LRRC27: variants seen among roughly 807,000 people sequenced by gnomAD.
The protein encoded by LRRC27 is leucine-rich repeat-containing protein 27.
A neutral mutation model predicts 55.0 loss-of-function variants in LRRC27; 57 were observed. The ratio of observed to expected loss-of-function variants is 1.04; its 90% confidence interval spans 0.84 to 1.29. LRRC27 has a LOEUF of 1.29. Among genes scored for constraint, LRRC27 ranks in the 50% most tolerant of loss-of-function variants. The pLI is 0.00. For synonymous variants in LRRC27, 278 were observed against 251.9 expected, an observed-to-expected ratio of 1.10 and a Z score of -0.98; for missense variants, 721 against 651.5, an observed-to-expected ratio of 1.11 and a Z score of -1.16.
rs2069341864 is a variant in LRRC27, at chr10:132,376,659, G to C, written c.*1417G>C. 1 of 152,342 alleles carries C rather than the reference G, an allele frequency of 6.6e-6. No homozygotes were observed. Among genetic ancestry groups the C allele is most frequent in the South Asian group, 2.1e-4 (1 of 4,836 alleles). 9.4% of individuals were successfully genotyped at this position (152,342 alleles called of 1,614,324 possible). A position where few individuals can be genotyped will look rare whatever the true frequency, so the allele number is the denominator to read the frequency against. On this transcript the variant is annotated 3_prime_UTR_variant, in exon 11 of 11. Coordinates refer to ENST00000368614, the MANE Select transcript of LRRC27 (RefSeq NM_030626.3). ...AGAGAGCGTGTCCGTTGTGATCCCA[G>C]TCCTTTGAAACTGTGAAGCCTCGCC...
chr10:132,343,598 T>G (rs907185186), intron 4 of LRRC27, among the ~76,000 whole-genome samples: 3 of 152,258 alleles, frequency 2.0e-5, no homozygotes, highest in African/African-American at 7.2e-5. Flanking sequence ...GCTTCTAGTT[T>G]AGTCTCTGTT....
chr10:132,344,714 G>T, intron 5 of LRRC27, 64 bp downstream of exon 5: 1 of 1,562,112 alleles, frequency 6.4e-7, no homozygotes, highest in Admixed American at 1.7e-5. Context: ...TTAAAATCAG[G>T]GCAGAACCTG....
chr10:132,332,675 C>T (rs1260496668), intron 1 of LRRC27: 2 of 151,996 alleles, frequency 1.3e-5, no homozygotes, highest in African/African-American at 4.8e-5. Context: ...CGCGGGCTTC[C>T]ATGGAATGCA....
At chr10:132,342,077 A>T in intron 3 of LRRC27, 136 bp from the exon 4 acceptor site, 2 of 605,340 alleles carry the variant, frequency 3.3e-6, no homozygotes, top group Non-Finnish European at 5.7e-6. Context: ...TTGTGTGTAC[A>T]TGTTGTAAAT....
rs756784554 is a variant in LRRC27, at chr10:132,344,645, C to G, written c.548C>G (p.Ser183Cys). 2 of 1,613,798 alleles carry G rather than the reference C, an allele frequency of 1.2e-6. No individual in the cohort carries two copies. ...CACTCTCTCCCCAGAAATCCAACTT[C>G]TCAAGGTTTGTAGGAGGTGATTTAT... ...VEHSLPRNPT[S>C]QEAPPVREMT... The change falls in exon 5 of 11, where the codon TCT becomes TGT. Residue 183 changes from serine to cysteine, a missense_variant. Physicochemically the swap from Ser to Cys is moderately radical, Grantham distance 112. Coordinates refer to ENST00000368614, the MANE Select transcript of LRRC27 (RefSeq NM_030626.3).
intron 3 of LRRC27, 69 bp downstream of exon 3, chr10:132,337,764 C>T: frequency 6.5e-7 from 1 of 1,548,244 alleles, no homozygotes; most frequent in Non-Finnish European, 8.8e-7. Flanking sequence ...TCTTTCGCTC[C>T]TTGTCCTTTA....
chr10:132,355,865 C>T lies in LRRC27; in HGVS notation c.1149C>T (p.Leu383=). The change falls in exon 8 of 11, where the codon CTC becomes CTT. Residue 383 remains leucine (L), a synonymous_variant. Transcript: ENST00000368614. ...AGAGGAAGGAAGAGCTCAGCAAACT[C>T]CTGCCTCCGCGGAGGAGCATGGTAC... ...MRKRKEELSK[L]LPPRRSMVAS... is the part of the protein sequence containing the mutation. 1 of 1,556,248 alleles carries T rather than the reference C, an allele frequency of 6.4e-7. No individual in the cohort carries two copies. Among genetic ancestry groups the T allele is most frequent in the Non-Finnish European group, 8.7e-7 (1 of 1,149,742 alleles).
At chr10:132,341,229 G>T (rs1173292309) in intron 3 of LRRC27, among the ~76,000 whole-genome samples, 1 of 152,158 alleles carries the variant, frequency 6.6e-6, no homozygotes, top group Non-Finnish European at 1.5e-5. Context: ...GCTTAGCCAG[G>T]CATGGTGGTA....
intron 9 of LRRC27, among the ~76,000 whole-genome samples, chr10:132,364,409 A>ACACTTACATC: frequency 6.0e-5 from 1 of 16,806 alleles, no homozygotes; most frequent in African/African-American, 1.2e-4. Context: ...ATCTACCTCC[A>ACACTTACATC]CACCCGCGCT....
At chr10:132,330,332 G>A, upstream of LRRC27, 1 of 664,842 alleles carries the variant, frequency 1.5e-6, no homozygotes, top group Middle Eastern at 2.4e-4. Context: ...ATACTGGAAT[G>A]CTGAAACTTG....
At chr10:132,337,096 T>A in intron 2 of LRRC27, 1 of 1,247,288 alleles carries the variant, frequency 8.0e-7, no homozygotes, top group Non-Finnish European at 1.0e-6. Flanking sequence ...TCTCTGTCCC[T>A]GTCTTTTAGT....
intron 10 of LRRC27, among the ~76,000 whole-genome samples, chr10:132,371,574 G>T (rs2069217416): frequency 6.6e-6 from 1 of 152,160 alleles, no homozygotes; most frequent in African/African-American, 2.4e-5. Flanking sequence ...TTGTCAGGAG[G>T]CTCCCCCTCC....
At chr10:132,352,748 GC>G (rs1328537746) in intron 7 of LRRC27, 2 of 928,950 alleles carry the variant, frequency 2.2e-6, no homozygotes, top group Non-Finnish European at 3.3e-6. Context: ...CTTGTTTGCA[GC>G]CCCGAGGCCT....
intron 8 of LRRC27, among the ~76,000 whole-genome samples, chr10:132,358,583 G>A (rs761283589): frequency 1.5e-5 from 1 of 66,482 alleles, no homozygotes; most frequent in Non-Finnish European, 2.8e-5. Flanking sequence ...AGGAGCCGAG[G>A]TGGTGGAGCA....
In LRRC27 at chr10:132,337,844, G is replaced by A. The variant is rs186494344; in HGVS notation, c.341+149G>A. The A allele has an allele frequency of 1.7e-4, 147 of 875,834 alleles. No homozygotes were observed. The East Asian group carries it at 3.1e-3, about 18-fold the overall frequency. 54.3% of individuals were successfully genotyped at this position (875,834 alleles called of 1,614,324 possible). ...TTTTTAAAGCCAGCTAAGAGGTTGC[G>A]ACGGCTGAATGTACCCAACACAGAA... On this transcript the variant is annotated intron_variant, in intron 3 of 10. Coordinates refer to ENST00000368614, the MANE Select transcript of LRRC27 (RefSeq NM_030626.3).
rs1188306282 is a variant in LRRC27, at chr10:132,380,545, G to C, written c.*5303G>C. Among the ~76,000 whole-genome samples the C allele has an allele frequency of 6.6e-6, 1 of 152,132 alleles. No homozygotes were observed. Among genetic ancestry groups the C allele is most frequent in the Non-Finnish European group, 1.5e-5 (1 of 68,022 alleles). On this transcript the variant is annotated 3_prime_UTR_variant, in exon 11 of 11. Coordinates refer to ENST00000368614, the MANE Select transcript of LRRC27 (RefSeq NM_030626.3). ...ATGGTGGCACACGCCTGCAGTCCCA[G>C]CTACTCAGGAGGCTGAGGCAGGAGG...
At position 132,355,756 on chromosome 10, in the gene LRRC27, T is replaced by C. The variant is rs571618467; in HGVS notation, c.1074-34T>C. 2.0e-6 allele frequency: 3 copies of C among 1,479,148 alleles called. No individual in the cohort carries two copies. The South Asian group carries it at 3.6e-5, about 18-fold the overall frequency. 91.6% of individuals were successfully genotyped at this position (1,479,148 alleles called of 1,614,324 possible). A position where few individuals can be genotyped will look rare whatever the true frequency, so the allele number is the denominator to read the frequency against. ...CCTGTAGCCTTGGCTCGAAGCTGCCTGTAACTTATGACATTAACCTTCCCT... is the reference window on the plus strand; with the variant it reads ...CCTGTAGCCTTGGCTCGAAGCTGCCCGTAACTTATGACATTAACCTTCCCT... On this transcript the variant is annotated intron_variant, in intron 7 of 10. Coordinates refer to ENST00000368614, the MANE Select transcript of LRRC27 (RefSeq NM_030626.3).
In LRRC27 at chr10:132,381,022, G is replaced by A. The variant is rs181088654; in HGVS notation, c.*5780G>A. On this transcript the variant is annotated 3_prime_UTR_variant, in exon 11 of 11. Coordinates refer to ENST00000368614, the MANE Select transcript of LRRC27 (RefSeq NM_030626.3). ...GGGTATAGGATTGCTGTGTGTGATG[G>A]TTCATATTAAATGTCAACTTGATTA... Among the ~76,000 whole-genome samples the A allele has an allele frequency of 2.2e-4, 34 of 152,310 alleles. No individual in the cohort carries two copies. In the East Asian group the frequency reaches 6.4e-3, roughly 28 times the overall value.
intron 5 of LRRC27, 194 bp downstream of exon 5, chr10:132,344,844 A>C (rs2067598644): frequency 1.9e-6 from 1 of 512,844 alleles, no homozygotes; most frequent in East Asian, 3.0e-5. Context: ...TGGTTCTATA[A>C]ATCTGGGCAC....
Sources: allele counts gnomAD v4.1 joint callset (sites outside exome capture counted in the v4.1 genomes callset), GRCh38; gene constraint gnomAD v4.1.1; transcripts MANE v1.5; gene names NCBI Gene and HGNC (gene_info 2026-07-23, HGNC 2026-07-21).